LINGO3: variants seen among roughly 807,000 people sequenced by gnomAD.
LINGO3 encodes the protein leucine-rich repeat and immunoglobulin-like domain-containing nogo receptor-interacting protein 3.
For synonymous variants in LINGO3, 427 were observed against 444.2 expected (o/e 0.96, Z 0.49); for missense variants, 750 against 867.7 (o/e 0.86, Z 1.70).
exon 1 of LINGO3, chr19:2,291,042 G>A: frequency 6.2e-7 from 1 of 1,610,548 alleles, no homozygotes; most frequent in Middle Eastern, 1.7e-4. Context: ...TCAGGTTCAG[G>A]CCCCGCAGGC....
chr19:2,289,734 C>G, downstream of LINGO3: 1 of 264,158 alleles, frequency 3.8e-6, no homozygotes, highest in Non-Finnish European at 7.2e-6. Flanking sequence ...CCCATCCTTG[C>G]AGCCCGCACC....
the LINGO3 span, among the ~76,000 whole-genome samples, chr19:2,303,356 T>TG: frequency 5.0e-3 from 748 of 149,452 alleles, 8 homozygotes; most frequent in East Asian, 7.7e-3. Context: ...CAGGGAGCTG[T>TG]GGGGGGGGGG....
In LINGO3 at chr19:2,290,460, C is replaced by G. The variant is rs1244505258; in HGVS notation, c.1317G>C (p.Val439=). Residue 439 remains valine (V), a synonymous_variant, in exon 1 of 1, where the codon GTG becomes GTC. Transcript: ENST00000585527. The surrounding 1 kb of genome is among the most constrained non-coding windows in gnomAD (Gnocchi z 6.0). ...GCCGGTGCTGGGGGGTCACCCAGGC[C>G]ACGGTGGGCGCCGGCTCGCCCTCGG... The G allele has an allele frequency of 1.4e-5, 20 of 1,454,484 alleles. No individual in the cohort carries two copies. Among genetic ancestry groups the G allele is most frequent in the Non-Finnish European group, 1.7e-5 (19 of 1,110,440 alleles). The allele number at this position is 1,454,484 out of a possible 1,614,324, so 90.1% of individuals were successfully genotyped here.
the LINGO3 span, among the ~76,000 whole-genome samples, chr19:2,306,961 C>T: frequency 6.6e-6 from 1 of 152,144 alleles, no homozygotes; most frequent in African/African-American, 2.4e-5. Flanking sequence ...GCCAGCACCA[C>T]CCTCCCTGAA....
the LINGO3 span, among the ~76,000 whole-genome samples, chr19:2,300,797 A>G: frequency 6.6e-6 from 1 of 152,032 alleles, no homozygotes; most frequent in African/African-American, 2.4e-5. Context: ...CTGTTCTGGC[A>G]TTGGTGTCCC....
chr19:2,303,907 C>G, the LINGO3 span, among the ~76,000 whole-genome samples: 1 of 152,356 alleles, frequency 6.6e-6, no homozygotes, highest in South Asian at 2.1e-4. Flanking sequence ...GAATCGGCCA[C>G]TGACTGCCTT....
At chr19:2,303,005 C>T in the LINGO3 span, among the ~76,000 whole-genome samples, 4 of 152,380 alleles carry the variant, frequency 2.6e-5, no homozygotes, top group South Asian at 8.3e-4. Context: ...ACGGCGCATC[C>T]ACGCCCTGTT....
At position 2,290,493 on chromosome 19, in the gene LINGO3, G is replaced by C. The variant is rs1411451281; in HGVS notation, c.1284C>G (p.Leu428=). 1.1e-5 allele frequency: 17 copies of C among 1,491,810 alleles called. No individual in the cohort carries two copies. Among genetic ancestry groups the C allele is most frequent in the Non-Finnish European group, 1.4e-5 (16 of 1,126,008 alleles). The allele number at this position is 1,491,810 out of a possible 1,614,324, so 92.4% of individuals were successfully genotyped here. The stretch of plus-strand genomic sequence containing the variant: ...GCGCCGGCTCGCCCTCGGCGCGGCA[G>C]AGGAAGCGGACGTCTTCGCCCGCGG... Residue 428 remains leucine, a synonymous_variant, in exon 1 of 1, where the codon CTC becomes CTG. Transcript: ENST00000585527. This position sits in a 1 kb window ranked among gnomAD's most constrained non-coding sequence, Gnocchi z 6.0.
At chr19:2,304,380 C>G in the LINGO3 span, among the ~76,000 whole-genome samples, 1 of 152,136 alleles carries the variant, frequency 6.6e-6, no homozygotes, top group Non-Finnish European at 1.5e-5. Context: ...AGAATGAAGG[C>G]CTCCCCACAG....
chr19:2,290,631 C>A lies in LINGO3; in HGVS notation c.1146G>T (p.Pro382=), dbSNP rs969611082. 5.0e-6 allele frequency: 8 copies of A among 1,597,264 alleles called. No homozygotes were observed. The African/African-American group carries it at 9.4e-5, about 19-fold the overall frequency. ...GCAGCGCGTCGCCGCGCACCTCGGC[C>A]GGGGTGGCGCAGGCCGGCAGCCGCC... is the stretch of plus-strand genomic sequence containing the variant. Residue 382 remains proline (P), a synonymous_variant, in exon 1 of 1, where the codon CCG becomes CCT. Coordinates refer to ENST00000585527, the Ensembl canonical transcript of LINGO3. The surrounding 1 kb of genome is among the most constrained non-coding windows in gnomAD (Gnocchi z 6.0).
At chr19:2,300,634 C>T in the LINGO3 span, among the ~76,000 whole-genome samples, 3 of 152,056 alleles carry the variant, frequency 2.0e-5, no homozygotes, top group Admixed American at 6.5e-5. Context: ...CCCGGCCACG[C>T]GGAGCCAACC....
exon 1 of LINGO3, chr19:2,291,971 G>C: frequency 1.6e-6 from 1 of 606,348 alleles, no homozygotes; most frequent in Non-Finnish European, 3.1e-6. Context: ...AGAATTGCTT[G>C]AGTTCAAGAG....
chr19:2,290,323 G>A lies in LINGO3; in HGVS notation c.1454C>T (p.Ala485Val), dbSNP rs1049684524. Reference sequence around the variant, plus strand: ...GGCGAAGTAGGTGTCGTTGCCGCCCGCGTTGCTGGCCACGCACGTGTAGGT... The same window carrying A: ...GGCGAAGTAGGTGTCGTTGCCGCCCACGTTGCTGGCCACGCACGTGTAGGT... The change falls in exon 1 of 1, where the codon GCG becomes GTG. Residue 485 changes from alanine (A) to valine (V), a missense_variant. Physicochemically the swap from Ala to Val is moderately conservative, Grantham distance 64. Transcript: ENST00000585527. The surrounding 1 kb of genome is among the most constrained non-coding windows in gnomAD (Gnocchi z 6.0). 2.6e-6 allele frequency: 4 copies of A among 1,555,054 alleles called. No individual in the cohort carries two copies. The highest frequency in any genetic ancestry group is 2.4e-5 in the East Asian group (1 of 41,894).
chr19:2,306,876 T>G, the LINGO3 span, among the ~76,000 whole-genome samples: 1 of 152,144 alleles, frequency 6.6e-6, no homozygotes, highest in Admixed American at 6.6e-5. Flanking sequence ...CGACGATGGC[T>G]GCTGCTTCGG....
At chr19:2,299,192 GC>G in the LINGO3 span, among the ~76,000 whole-genome samples, 18 of 152,144 alleles carry the variant, frequency 1.2e-4, no homozygotes, top group Non-Finnish European at 2.2e-4. Context: ...CGACGGCCTG[GC>G]CCTGTCATTT....
exon 1 of LINGO3, chr19:2,291,874 G>A: frequency 9.0e-7 from 1 of 1,111,258 alleles, no homozygotes; most frequent in Non-Finnish European, 1.3e-6. Flanking sequence ...ACCCCTCCGC[G>A]GCGCCTCTGC....
In LINGO3 at chr19:2,290,664, G is replaced by A. The variant is rs1285684712; in HGVS notation, c.1113C>T (p.Asn371=). 3.7e-6 allele frequency: 6 copies of A among 1,607,086 alleles called. No individual in the cohort carries two copies. The highest frequency in any genetic ancestry group is 5.1e-6 in the Non-Finnish European group (6 of 1,177,972). The change falls in exon 1 of 1, where the codon AAC becomes AAT. Residue 371 remains asparagine, a synonymous_variant. Transcript: ENST00000585527. This position sits in a 1 kb window ranked among gnomAD's most constrained non-coding sequence, Gnocchi z 6.0. Reference sequence around the variant, plus strand: ...CGCAGGCCGGCAGCCGCCCGTCGAAGTTGAGGGTCTTGCGACGCTGCACGA... The same window carrying A: ...CGCAGGCCGGCAGCCGCCCGTCGAAATTGAGGGTCTTGCGACGCTGCACGA...
chr19:2,290,785 G>A lies in LINGO3; in HGVS notation c.992C>T (p.Ser331Phe), dbSNP rs772392361. 1.2e-6 allele frequency: 2 copies of A among 1,612,768 alleles called. No homozygotes were observed. The highest frequency in any genetic ancestry group is 1.7e-5 in the Admixed American group (1 of 60,000). ...GTGGAAGGTGCTCTCCTCCAACGTG[G>A]AGAGCAGGTTGTTGGAGAGGTTGAG... The change falls in exon 1 of 1, where the codon TCC (serine) becomes TTC (phenylalanine). Residue 331 changes from serine (S) to phenylalanine (F), a missense_variant. Ser to Phe is a radical substitution (Grantham distance 155). Transcript: ENST00000585527. This position sits in a 1 kb window ranked among gnomAD's most constrained non-coding sequence, Gnocchi z 6.0.
Position 2,290,324 on chromosome 19 carries a change from C to T in LINGO3, c.1453G>A (p.Ala485Thr). The T allele has an allele frequency of 3.9e-6, 6 of 1,554,266 alleles. No individual in the cohort carries two copies. The highest frequency in any genetic ancestry group is 5.2e-6 in the Non-Finnish European group (6 of 1,156,904). The change falls in exon 1 of 1, where the codon GCG becomes ACG. Residue 485 changes from alanine (A) to threonine (T), a missense_variant. Coordinates refer to ENST00000585527, the Ensembl canonical transcript of LINGO3. This position sits in a 1 kb window ranked among gnomAD's most constrained non-coding sequence, Gnocchi z 6.0. ...GCGAAGTAGGTGTCGTTGCCGCCCG[C>T]GTTGCTGGCCACGCACGTGTAGGTG...
Sources: gnomAD v4.1 joint callset for allele counts (sites outside exome capture counted in the v4.1 genomes callset) on GRCh38, gnomAD v4.1.1 for gene constraint, Gnocchi (gnomAD v3.1) non-coding constraint, MANE v1.5 for transcripts, NCBI Gene and HGNC (gene_info 2026-07-23, HGNC 2026-07-21) for gene names.